Variants in CCDC74A observed in about 807,000 individuals in gnomAD.
The protein encoded by CCDC74A is coiled-coil domain-containing protein 74A.
A neutral mutation model predicts 37.6 loss-of-function variants in CCDC74A; 38 were observed. That is an observed-to-expected ratio of 1.01 (90% CI 0.78 to 1.33). The LOEUF (loss-of-function observed/expected upper bound fraction) is 1.33, where lower values mean the gene tolerates loss of function less well. CCDC74A is among the 40% of genes most tolerant of loss of function. CCDC74A has a pLI of 0.00. For missense variants in CCDC74A, 340 were observed against 403.4 expected (o/e 0.84, Z 1.35); for synonymous variants, 134 against 165.2 (o/e 0.81, Z 1.45).
chr2:131,523,316 AT>A (rs1372841482), upstream of CCDC74A, among the ~76,000 whole-genome samples: 1 of 152,138 alleles, frequency 6.6e-6, no homozygotes, highest in Non-Finnish European at 1.5e-5. Context: ...AATATATCTA[AT>A]TATTTCCCAG....
At chr2:131,523,286 C>G (rs1680187890), upstream of CCDC74A, among the ~76,000 whole-genome samples, 1 of 152,196 alleles carries the variant, frequency 6.6e-6, no homozygotes, top group South Asian at 2.1e-4. Flanking sequence ...GCATAATTTT[C>G]TCAAGTCACA....
upstream of CCDC74A, among the ~76,000 whole-genome samples, chr2:131,523,851 G>C (rs1284702521): frequency 1.3e-5 from 2 of 151,306 alleles, no homozygotes; most frequent in Non-Finnish European, 2.9e-5. Flanking sequence ...TAAACACACT[G>C]CATGTGTTTA....
At chr2:131,526,801 T>C (rs1188975651), upstream of CCDC74A, among the ~76,000 whole-genome samples, 2 of 152,216 alleles carry the variant, frequency 1.3e-5, no homozygotes, top group Non-Finnish European at 1.5e-5. Context: ...AAACCTCCTC[T>C]AGTGTCTTAG....
At chr2:131,527,857 A>G (rs1264814654), upstream of CCDC74A, 9 of 1,400,740 alleles carry the variant, frequency 6.4e-6, no homozygotes, top group Non-Finnish European at 8.3e-6. Context: ...GCCCCCGCCA[A>G]CCGCCTCGCG....
chr2:131,532,937 G>A lies in CCDC74A; in HGVS notation c.752G>A (p.Arg251Lys). Residue 251 changes from arginine to lysine, a missense_variant and splice_region_variant, in exon 6 of 8, where the codon AGG (arginine) becomes AAG (lysine). Arg to Lys is a conservative substitution (Grantham distance 26). Around this residue, in one of 3 missense-constraint regions of CCDC74A, gnomAD observed 185 missense variants for 231.5 expected, o/e 0.80. Coordinates refer to ENST00000409856, the MANE Select transcript of CCDC74A (RefSeq NM_001258306.3). ...QAAPEEASFP[R>K]DQEATHFPKV... is the part of the protein sequence containing the mutation. Reference sequence around the variant, plus strand: ...GCCCCGGAGGAAGCTAGCTTTCCCAGGTGAGTGCCTGGTGCACCCCTGCCC... The same window carrying A: ...GCCCCGGAGGAAGCTAGCTTTCCCAAGTGAGTGCCTGGTGCACCCCTGCCC... 6.2e-7 allele frequency: 1 copy of A among 1,613,882 alleles called. No individual in the cohort carries two copies.
At chr2:131,528,426 TCTGC>T in intron 1 of CCDC74A, 4 of 1,550,538 alleles carry the variant, frequency 2.6e-6, no homozygotes, top group South Asian at 1.2e-5. Flanking sequence ...GCCGACCCTG[TCTGC>T]CTGTCTCGTA....
chr2:131,523,892 C>T (rs1025764447), upstream of CCDC74A, among the ~76,000 whole-genome samples: 9 of 151,992 alleles, frequency 5.9e-5, no homozygotes, highest in Admixed American at 3.9e-4. Flanking sequence ...GGGTACTGTA[C>T]ATGTGGGCAG....
upstream of CCDC74A, among the ~76,000 whole-genome samples, chr2:131,526,077 A>G (rs1680302107): frequency 6.6e-6 from 1 of 151,092 alleles, no homozygotes; most frequent in African/African-American, 2.4e-5. Context: ...CAGCCTCCCA[A>G]AATGTTGGGA....
upstream of CCDC74A, among the ~76,000 whole-genome samples, chr2:131,524,885 A>AC (rs1491266853): frequency 2.8e-5 from 2 of 72,648 alleles, no homozygotes; most frequent in Non-Finnish European, 5.1e-5. Context: ...ACATAGTAAG[A>AC]CAAAAAAAAA....
At position 131,532,694 on chromosome 2, in the gene CCDC74A, C is replaced by T. The variant is rs1363563962; in HGVS notation, c.591C>T (p.Pro197=). Residue 197 remains proline, a synonymous_variant, in exon 5 of 8, where the codon CCC becomes CCT. Coordinates refer to ENST00000409856, the MANE Select transcript of CCDC74A (RefSeq NM_001258306.3). The part of the protein sequence containing the change: ...GAGAHPPMIL[P]LPLRKPTTLR... ...GGGCACACCCCCCAATGATCCTGCC[C>T]CTTCCCCTGCGAAAGCCCACCACAC... 1.9e-6 allele frequency: 3 copies of T among 1,613,432 alleles called. No homozygotes were observed. Among genetic ancestry groups the T allele is most frequent in the Non-Finnish European group, 2.5e-6 (3 of 1,179,730 alleles).
In CCDC74A at chr2:131,532,722, A is replaced by G. The variant is rs1426642638; in HGVS notation, c.619A>G (p.Arg207Gly). 3.1e-6 allele frequency: 5 copies of G among 1,613,522 alleles called. No homozygotes were observed. The highest frequency in any genetic ancestry group is 4.2e-6 in the Non-Finnish European group (5 of 1,179,802). Residue 207 changes from arginine to glycine, a missense_variant, in exon 5 of 8, where the codon AGG becomes GGG. Arg to Gly is a moderately radical substitution (Grantham distance 125). Around this residue, in one of 3 missense-constraint regions of CCDC74A, gnomAD observed 185 missense variants for 231.5 expected, o/e 0.80. Coordinates refer to ENST00000409856, the MANE Select transcript of CCDC74A (RefSeq NM_001258306.3). ...TCCCCTGCGAAAGCCCACCACACTT[A>G]GGCAGTGCGAAGTGCTCATCCGCGA... ...PLPLRKPTTL[R>G]QCEVLIRELW...
At chr2:131,533,123 G>T (rs752688369) in intron 7 of CCDC74A, 54 bp downstream of exon 7, 148 of 1,612,252 alleles carry the variant, frequency 9.2e-5, no homozygotes, top group Admixed American at 3.3e-4. Context: ...TGGGCCCCAG[G>T]GAGGGAGTGG....
intron 2 of CCDC74A, chr2:131,530,272 C>G: frequency 6.5e-7 from 1 of 1,544,398 alleles, no homozygotes. Context: ...AGCTCACTTC[C>G]CATTATCTTT....
chr2:131,528,583 G>A, intron 1 of CCDC74A: 1 of 1,036,826 alleles, frequency 9.6e-7, no homozygotes, highest in Non-Finnish European at 1.5e-6. Context: ...GGCCGAGACG[G>A]GCGGATCACG....
chr2:131,533,660 T>C lies in CCDC74A; in HGVS notation c.*262T>C. 1 of 493,886 alleles carries C rather than the reference T, an allele frequency of 2.0e-6. No individual in the cohort carries two copies. Among genetic ancestry groups the C allele is most frequent in the Non-Finnish European group, 3.6e-6 (1 of 277,520 alleles). 30.6% of individuals were successfully genotyped at this position (493,886 alleles called of 1,614,324 possible). On this transcript the variant is annotated 3_prime_UTR_variant, in exon 8 of 8. Coordinates refer to ENST00000409856, the MANE Select transcript of CCDC74A (RefSeq NM_001258306.3). ...TGAAACTGAAAATAAAGCTTGTTTA[T>C]TTCCAAGTTGTGTGCCTGGCTCCTC...
At chr2:131,524,163 G>T (rs1573506067), upstream of CCDC74A, among the ~76,000 whole-genome samples, 1 of 152,220 alleles carries the variant, frequency 6.6e-6, no homozygotes, top group East Asian at 1.9e-4. Context: ...GACCCATCCG[G>T]ATTCACTGCC....
At chr2:131,522,706 C>T (rs377476009), upstream of CCDC74A, among the ~76,000 whole-genome samples, 11 of 152,156 alleles carry the variant, frequency 7.2e-5, 1 homozygote, top group Admixed American at 3.3e-4. Context: ...CCCACTCCCA[C>T]GATCTACCGC....
chr2:131,532,890 A>C lies in CCDC74A; in HGVS notation c.705A>C (p.Glu235Asp). The change falls in exon 6 of 8, where the codon GAA (glutamate) becomes GAC (aspartate). Residue 235 changes from glutamate to aspartate, a missense_variant. By Grantham distance (45) the Glu-to-Asp change is conservative (BLOSUM62 2). Transcript: ENST00000409856. ...TGCGGCACCTCAAGTCCCTCCTGGA[A>C]GGGAGCCAGAGGCCCCAGGCAGCCC... Reference protein sequence around the residue: ...QELRHLKSLLEGSQRPQAAPE... With the variant: ...QELRHLKSLLDGSQRPQAAPE... 6.8e-6 allele frequency: 11 copies of C among 1,613,560 alleles called. No homozygotes were observed. The highest frequency in any genetic ancestry group is 9.3e-6 in the Non-Finnish European group (11 of 1,179,680).
rs373427727 is a variant in CCDC74A, at chr2:131,528,158, A to G, written c.188A>G (p.Gln63Arg). Reference protein sequence around the residue: ...LEKSLQFLQQQHSEMLAKLHE... With the variant: ...LEKSLQFLQQRHSEMLAKLHE... ...AAAAGCCTGCAGTTCCTGCAGCAGCAGCACTCGGAGATGCTGGCCAAGCTC... is the reference window on the plus strand; with the variant it reads ...AAAAGCCTGCAGTTCCTGCAGCAGCGGCACTCGGAGATGCTGGCCAAGCTC... Residue 63 changes from glutamine (Q) to arginine (R), a missense_variant, in exon 1 of 8, where the codon CAG (glutamine) becomes CGG (arginine). Around this residue, in one of 3 missense-constraint regions of CCDC74A, gnomAD observed 154 missense variants for 153.9 expected, o/e 1.00. Coordinates refer to ENST00000409856, the MANE Select transcript of CCDC74A (RefSeq NM_001258306.3). 3.4e-5 allele frequency: 55 copies of G among 1,613,810 alleles called. No homozygotes were observed. The highest frequency in any genetic ancestry group is 4.5e-5 in the Non-Finnish European group (53 of 1,179,844).
Sources: gnomAD v4.1 joint callset for allele counts (sites outside exome capture counted in the v4.1 genomes callset) on GRCh38, gnomAD v4.1.1 for gene constraint, gnomAD v4.1.1 regional missense constraint, MANE v1.5 for transcripts, NCBI Gene and HGNC (gene_info 2026-07-23, HGNC 2026-07-21) for gene names.